HS6ST2: variants seen among roughly 807,000 people sequenced by gnomAD.
The protein encoded by HS6ST2 is heparan-sulfate 6-O-sulfotransferase 2.
A neutral mutation model predicts 33.0 loss-of-function variants in HS6ST2; 17 were observed. The ratio of observed to expected loss-of-function variants is 0.52; its 90% confidence interval spans 0.35 to 0.77. The LOEUF is 0.77. HS6ST2 is among the 30% of genes least tolerant of loss of function. HS6ST2 has a pLI of 0.01. For missense variants in HS6ST2, 519 were observed against 551.7 expected (o/e 0.94, Z 0.59); for synonymous variants, 248 against 237.1 (o/e 1.05, Z -0.42).
At chrX:132,710,617 G>A in intron 2 of HS6ST2, among the ~76,000 whole-genome samples, 1 of 110,897 alleles carries the variant, frequency 9.0e-6, no homozygotes. Context: ...TTATGCCTTT[G>A]TTTATGTATG....
intron 2 of HS6ST2, among the ~76,000 whole-genome samples, chrX:132,898,976 G>T (rs2066404080): frequency 9.0e-6 from 1 of 111,096 alleles, no homozygotes; most frequent in African/African-American, 3.3e-5. Flanking sequence ...AACAGTTTGT[G>T]TTCCTACCAG....
intron 2 of HS6ST2, among the ~76,000 whole-genome samples, chrX:132,792,540 G>A (rs750264777): frequency 6.2e-5 from 7 of 112,061 alleles, no homozygotes; most frequent in Non-Finnish European, 9.4e-5. Context: ...CCCATTTAAA[G>A]TGTAAAATTT....
chrX:132,821,433 T>C (rs369876349), intron 2 of HS6ST2, among the ~76,000 whole-genome samples: 37 of 109,670 alleles, frequency 3.4e-4, no homozygotes, highest in East Asian at 2.3e-3. Context: ...AGGATGGTCT[T>C]GATCTCCTGA....
chrX:132,766,172 A>G (rs1183479073), intron 2 of HS6ST2, among the ~76,000 whole-genome samples: 1 of 112,638 alleles, frequency 8.9e-6, no homozygotes, highest in East Asian at 2.8e-4. Flanking sequence ...TCACTGTAGT[A>G]CAGCATTCAC....
chrX:132,750,064 G>A lies in HS6ST2; in HGVS notation c.948-41570C>T, dbSNP rs139430891. 3.9e-4 allele frequency among the ~76,000 whole-genome samples: 43 copies of A among 110,255 alleles called. No homozygotes were observed. The East Asian group carries it at 8.0e-3, about 21-fold the overall frequency. ...TTAACCGGGGTGGGGGGCCTAGGGAGGACACACCCCCCAGCTTCCTTCTTG... is the reference window on the plus strand; with the variant it reads ...TTAACCGGGGTGGGGGGCCTAGGGAAGACACACCCCCCAGCTTCCTTCTTG... On this transcript the variant is annotated intron_variant, in intron 2 of 4. Transcript: ENST00000370833.
At chrX:132,839,294 A>ATATATACACATATGTATG (rs1569496022) in intron 2 of HS6ST2, among the ~76,000 whole-genome samples, 3 of 44,564 alleles carry the variant, frequency 6.7e-5, no homozygotes, top group East Asian at 5.1e-4. Flanking sequence ...ATATATATAT[A>ATATATACACATATGTATG]TATATATATA....
chrX:132,826,865 C>T (rs954599478), intron 2 of HS6ST2, among the ~76,000 whole-genome samples: 6 of 110,929 alleles, frequency 5.4e-5, no homozygotes, highest in Non-Finnish European at 1.1e-4. Context: ...GCTCCTGATC[C>T]GTATGCCAGC....
chrX:132,818,089 C>T (rs1453512750), intron 2 of HS6ST2, among the ~76,000 whole-genome samples: 1 of 111,517 alleles, frequency 9.0e-6, no homozygotes, highest in African/African-American at 3.3e-5. Flanking sequence ...AAAGGCTCTA[C>T]AAAACCTAGG....
At chrX:132,952,689 C>T (rs2067026483) in intron 2 of HS6ST2, among the ~76,000 whole-genome samples, 1 of 111,445 alleles carries the variant, frequency 9.0e-6, no homozygotes, top group South Asian at 3.8e-4. Flanking sequence ...TTAGTCCTTT[C>T]CCATCAATGA....
intron 4 of HS6ST2, among the ~76,000 whole-genome samples, chrX:132,630,273 C>T (rs902061831): frequency 9.8e-5 from 11 of 112,522 alleles, no homozygotes; most frequent in East Asian, 2.8e-4. Context: ...CGGAGAATGG[C>T]TTGCAACTTT....
intron 2 of HS6ST2, among the ~76,000 whole-genome samples, chrX:132,849,379 G>C (rs2065781282): frequency 9.0e-6 from 1 of 111,473 alleles, no homozygotes; most frequent in African/African-American, 3.3e-5. Context: ...TGGGGAGGTT[G>C]CCAGGCAAAC....
intron 2 of HS6ST2, among the ~76,000 whole-genome samples, chrX:132,712,067 A>G (rs1361078826): frequency 2.7e-5 from 3 of 111,826 alleles, no homozygotes; most frequent in Admixed American, 9.5e-5. Context: ...TCTGCAGCAG[A>G]TAGTACACTC....
chrX:132,803,737 T>G (rs1662037076), intron 2 of HS6ST2, among the ~76,000 whole-genome samples: 1 of 111,880 alleles, frequency 8.9e-6, no homozygotes, highest in South Asian at 3.8e-4. Flanking sequence ...TTTCAAAAAT[T>G]TTCTTAGAAT....
chrX:132,643,322 C>T (rs1173763728), intron 4 of HS6ST2, among the ~76,000 whole-genome samples: 1 of 111,013 alleles, frequency 9.0e-6, no homozygotes, highest in East Asian at 2.8e-4. Flanking sequence ...AAGGGGGAGC[C>T]TGAGAGTGTT....
Position 132,806,584 on chromosome X carries a change from T to C in HS6ST2, c.948-98090A>G, listed in dbSNP as rs1284870177. On this transcript the variant is annotated intron_variant, in intron 2 of 4. Transcript: ENST00000370833. ...GCCATAGAATCTCTATCACAACCAC[T>C]CAACTCTGCTATGATAGAGCAAAAG... is the stretch of plus-strand genomic sequence containing the variant. Among the ~76,000 whole-genome samples the C allele has an allele frequency of 2.7e-5, 3 of 110,098 alleles. No homozygotes were observed. The East Asian group carries it at 8.5e-4, about 31-fold the overall frequency.
chrX:132,810,019 C>T (rs1017788204), intron 2 of HS6ST2, among the ~76,000 whole-genome samples: 1 of 111,485 alleles, frequency 9.0e-6, no homozygotes, highest in Non-Finnish European at 1.9e-5. Flanking sequence ...ACTGAGTCTT[C>T]GTTTTCTGAA....
At chrX:132,927,825 C>A (rs2066724583) in intron 2 of HS6ST2, among the ~76,000 whole-genome samples, 1 of 103,946 alleles carries the variant, frequency 9.6e-6, no homozygotes, top group Non-Finnish European at 2.0e-5. Flanking sequence ...ACATTACACT[C>A]CAGCCTGGGC....
intron 2 of HS6ST2, among the ~76,000 whole-genome samples, chrX:132,903,637 G>T (rs1276210316): frequency 9.0e-6 from 1 of 111,547 alleles, no homozygotes; most frequent in Non-Finnish European, 1.9e-5. Context: ...GTCAACAAGG[G>T]TGCTAAAACA....
Position 132,669,203 on chromosome X carries a change from T to C in HS6ST2, c.981-4A>G. 1 of 1,199,238 alleles carries C rather than the reference T, an allele frequency of 8.3e-7. No homozygotes were observed. The highest frequency in any genetic ancestry group is 1.1e-6 in the Non-Finnish European group (1 of 887,026). ...TGGAGAACCCCGTTTATCCTTACTA[T>C]ACCCACAGAAAGAATAGAAAACATA... is the stretch of plus-strand genomic sequence containing the variant. On this transcript the variant is annotated splice_region_variant and splice_polypyrimidine_tract_variant and intron_variant, in intron 3 of 4. Transcript: ENST00000370833.
Sources: allele counts gnomAD v4.1 joint callset (sites outside exome capture counted in the v4.1 genomes callset), GRCh38; gene constraint gnomAD v4.1.1; transcripts MANE v1.5; gene names NCBI Gene and HGNC (gene_info 2026-07-23, HGNC 2026-07-21).